Variants in DCUN1D2 observed in about 807,000 individuals in gnomAD.
DCUN1D2 encodes the protein DCN1-like protein 2.
Under a neutral mutation model 30.9 loss-of-function variants are expected in DCUN1D2, and 29 were observed. The observed-to-expected ratio is 0.94, with a 90% CI of 0.70 to 1.28. DCUN1D2 has a LOEUF of 1.28. DCUN1D2 is among the 50% of genes most tolerant of loss of function. The pLI is 0.00. For synonymous variants in DCUN1D2, 121 were observed against 115.3 expected (o/e 1.05, Z -0.32); for missense variants, 325 against 316.9 (o/e 1.03, Z -0.19).
chr13:113,487,161 C>A (rs2044819641), intron 1 of DCUN1D2, among the ~76,000 whole-genome samples: 1 of 152,158 alleles, frequency 6.6e-6, no homozygotes, highest in South Asian at 2.1e-4. Flanking sequence ...CAGCTAGAGT[C>A]TTTTTATGAA....
chr13:113,481,152 CT>C lies in DCUN1D2; in HGVS notation c.221-410del, dbSNP rs1184458751. ...AATATCTTGAGTTTTTATCACAACT[CT>C]GCCAAAGTAAATGAATGATTGATGT... is the stretch of plus-strand genomic sequence containing the variant. On this transcript the variant is annotated intron_variant, in intron 2 of 6. Coordinates refer to ENST00000478244, the MANE Select transcript of DCUN1D2 (RefSeq NM_001014283.2). 2.0e-5 allele frequency among the ~76,000 whole-genome samples: 3 copies of C among 152,270 alleles called. No homozygotes were observed. In the East Asian group the frequency reaches 5.8e-4, roughly 29 times the overall value.
intron 3 of DCUN1D2, 130 bp downstream of exon 3, chr13:113,480,445 C>G (rs977661991): frequency 1.1e-6 from 1 of 906,730 alleles, no homozygotes. Flanking sequence ...AGAGTACAGA[C>G]GCATAAGAAA....
intron 1 of DCUN1D2, among the ~76,000 whole-genome samples, chr13:113,485,000 C>T (rs1445630955): frequency 1.3e-5 from 2 of 152,086 alleles, no homozygotes. Context: ...ATCACTTGAA[C>T]CTGGGAGGTG....
chr13:113,476,771 T>C lies in DCUN1D2; in HGVS notation c.390-2517A>G, dbSNP rs116696910. 3.3e-3 allele frequency among the ~76,000 whole-genome samples: 506 copies of C among 152,354 alleles called. 2 individuals are homozygous for C. Among genetic ancestry groups the C allele is most frequent in the African/African-American group, 0.012 (479 of 41,590 alleles). On this transcript the variant is annotated intron_variant, in intron 3 of 6. Coordinates refer to ENST00000478244, the MANE Select transcript of DCUN1D2 (RefSeq NM_001014283.2). Reference sequence around the variant, plus strand: ...TTCCTACATTATTTTCTACAGACTTTTTGCTTTTGCCTTTCAAACTGAGAT... The same window carrying C: ...TTCCTACATTATTTTCTACAGACTTCTTGCTTTTGCCTTTCAAACTGAGAT...
chr13:113,463,753 C>CACAAAGAG (rs1274598724), intron 4 of DCUN1D2, among the ~76,000 whole-genome samples: 1 of 150,698 alleles, frequency 6.6e-6, no homozygotes, highest in Non-Finnish European at 1.5e-5. Flanking sequence ...CACAGATACC[C>CACAAAGAG]ACAAAGAGAC....
At chr13:113,480,872 A>G in intron 2 of DCUN1D2, 129 bp from the exon 3 acceptor site, 5 of 835,164 alleles carry the variant, frequency 6.0e-6, no homozygotes, top group Non-Finnish European at 7.2e-6. Context: ...ACATCAATCA[A>G]TAGGCTGCAG....
Position 113,459,399 on chromosome 13 carries a change from T to G in DCUN1D2, c.613A>C (p.Lys205Gln). 3 of 1,554,878 alleles carry G rather than the reference T, an allele frequency of 1.9e-6. No homozygotes were observed. Among genetic ancestry groups the G allele is most frequent in the Non-Finnish European group, 2.7e-6 (3 of 1,126,204 alleles). The change falls in exon 6 of 7, where the codon AAA becomes CAA. Residue 205 changes from lysine (K) to glutamine (Q), a missense_variant. Transcript: ENST00000478244. Reference sequence around the variant, plus strand: ...CAGGTGTCCCTTGGAATTGATCTTTTGTGATGTTCCTAATATATGAGAGAA... The same window carrying G: ...CAGGTGTCCCTTGGAATTGATCTTTGGTGATGTTCCTAATATATGAGAGAA... ...LWNTFLMEHH[K>Q]RSIPRDTWNL...
intron 3 of DCUN1D2, among the ~76,000 whole-genome samples, chr13:113,476,801 A>G (rs564802913): frequency 3.3e-4 from 50 of 152,316 alleles, no homozygotes; most frequent in African/African-American, 1.2e-3. Context: ...TGAGATCTAC[A>G]ATCTATCTGA....
rs1352131378 is a variant in DCUN1D2, at chr13:113,456,556, G to A, written c.*1473C>T. The stretch of plus-strand genomic sequence containing the variant: ...ACGTCCTGCACAGTGCTGCAGGGGG[G>A]CAGCAAGGCACGCCTGTGACATGAG... On this transcript the variant is annotated 3_prime_UTR_variant, in exon 7 of 7. Coordinates refer to ENST00000478244, the MANE Select transcript of DCUN1D2 (RefSeq NM_001014283.2). The A allele has an allele frequency of 5.1e-6, 2 of 395,826 alleles. No homozygotes were observed. Among genetic ancestry groups the A allele is most frequent in the Non-Finnish European group, 8.9e-6 (2 of 224,666 alleles). The allele number at this position is 395,826 out of a possible 1,614,324, so 24.5% of individuals were successfully genotyped here.
Position 113,457,974 on chromosome 13 carries a change from A to G in DCUN1D2, c.*55T>C. 1.3e-6 allele frequency: 2 copies of G among 1,520,678 alleles called. No homozygotes were observed. The highest frequency in any genetic ancestry group is 1.8e-6 in the Non-Finnish European group (2 of 1,095,398). The allele number at this position is 1,520,678 out of a possible 1,614,324, so 94.2% of individuals were successfully genotyped here. On this transcript the variant is annotated 3_prime_UTR_variant, in exon 7 of 7. Coordinates refer to ENST00000478244, the MANE Select transcript of DCUN1D2 (RefSeq NM_001014283.2). ...ACAATGCACCCAGGAACTGACTGCA[A>G]TCTCCTTGCAGGATACAAATCATTT... is the stretch of plus-strand genomic sequence containing the variant.
In DCUN1D2 at chr13:113,472,359, C is replaced by A. The variant is rs185118995; in HGVS notation, c.520+1765G>T. Among the ~76,000 whole-genome samples, 9 of 152,290 alleles carry A rather than the reference C, an allele frequency of 5.9e-5. No individual in the cohort carries two copies. The East Asian group carries it at 1.7e-3, about 29-fold the overall frequency. ...GAATGAGCACCAGCCGCGACCCCAC[C>A]ACGGCCTGAAACCAGTTTCCGCTAA... On this transcript the variant is annotated intron_variant, in intron 4 of 6. Transcript: ENST00000478244.
At chr13:113,465,281 A>T (rs996189602) in intron 4 of DCUN1D2, among the ~76,000 whole-genome samples, 2 of 152,186 alleles carry the variant, frequency 1.3e-5, no homozygotes, top group African/African-American at 4.8e-5. Flanking sequence ...ATTATTTTAA[A>T]ATTTGGATCA....
At chr13:113,487,524 G>T (rs1298232762) in intron 1 of DCUN1D2, among the ~76,000 whole-genome samples, 1 of 152,134 alleles carries the variant, frequency 6.6e-6, no homozygotes, top group East Asian at 1.9e-4. Context: ...TACGACTCCA[G>T]CCACAGTGCA....
chr13:113,488,097 TAGA>T lies in DCUN1D2; in HGVS notation c.3+2567_3+2569del, dbSNP rs2044840247. Among the ~76,000 whole-genome samples, 1 of 152,208 alleles carries T rather than the reference TAGA, an allele frequency of 6.6e-6. No homozygotes were observed. Among genetic ancestry groups the T allele is most frequent in the Non-Finnish European group, 1.5e-5 (1 of 68,028 alleles). On this transcript the variant is annotated intron_variant, in intron 1 of 6. Coordinates refer to ENST00000478244, the MANE Select transcript of DCUN1D2 (RefSeq NM_001014283.2). The surrounding 1 kb of genome is among the most constrained non-coding windows in gnomAD (Gnocchi z 4.3). ...CCAGCAGCCTAATTTCTTGGAACTC[TAGA>T]AGAACAGATGCAGGAGCACATGGAT...
In DCUN1D2 at chr13:113,490,090, C is replaced by T. The variant is rs2044912187; in HGVS notation, c.3+577G>A. On this transcript the variant is annotated intron_variant, in intron 1 of 6. Coordinates refer to ENST00000478244, the MANE Select transcript of DCUN1D2 (RefSeq NM_001014283.2). The surrounding 1 kb of genome is among the most constrained non-coding windows in gnomAD (Gnocchi z 5.2). ...ACTGATGTGCACCTCCAGCAGCCTC[C>T]CTCCTGCGCTGCGGAACTCTACCAG... 6.6e-6 allele frequency among the ~76,000 whole-genome samples: 1 copy of T among 152,174 alleles called. No homozygotes were observed. Among genetic ancestry groups the T allele is most frequent in the Non-Finnish European group, 1.5e-5 (1 of 68,030 alleles).
chr13:113,463,521 C>T (rs966988209), intron 4 of DCUN1D2, among the ~76,000 whole-genome samples: 1 of 151,182 alleles, frequency 6.6e-6, no homozygotes, highest in African/African-American at 2.4e-5. Flanking sequence ...GCAAGACCCT[C>T]ACCTCTTTAA....
chr13:113,469,199 G>T (rs2044462315), intron 4 of DCUN1D2, among the ~76,000 whole-genome samples: 1 of 151,602 alleles, frequency 6.6e-6, no homozygotes, highest in South Asian at 2.1e-4. Flanking sequence ...CCATGAAGTC[G>T]AAAAGCTGCC....
chr13:113,458,023 T>C lies in DCUN1D2; in HGVS notation c.*6A>G. On this transcript the variant is annotated 3_prime_UTR_variant, in exon 7 of 7. Transcript: ENST00000478244. ...TTCATAATCTTACTCCTGCTTAACT[T>C]GCTGCCTAGAAAAGGCTGCGTTTTC... 3 of 1,612,584 alleles carry C rather than the reference T, an allele frequency of 1.9e-6. No individual in the cohort carries two copies. Among genetic ancestry groups the C allele is most frequent in the Non-Finnish European group, 2.5e-6 (3 of 1,178,546 alleles).
upstream of DCUN1D2, chr13:113,490,818 C>A (rs1250210985): frequency 5.8e-6 from 4 of 693,770 alleles, no homozygotes; most frequent in Non-Finnish European, 7.5e-6. This position sits in a 1 kb window ranked among gnomAD's most constrained non-coding sequence, Gnocchi z 5.2. Context: ...GCATGCTCAG[C>A]GCCGCCCGGG....
Sources: allele counts gnomAD v4.1 joint callset (sites outside exome capture counted in the v4.1 genomes callset), GRCh38; gene constraint gnomAD v4.1.1; non-coding constraint Gnocchi (gnomAD v3.1); transcripts MANE v1.5; gene names NCBI Gene and HGNC (gene_info 2026-07-23, HGNC 2026-07-21).